CAST: variants seen among roughly 807,000 people sequenced by gnomAD.
CAST encodes calpastatin, also known as MIR583 host.
CAST carries 76 observed loss-of-function variants against 119.6 expected under a neutral mutation model. That is an observed-to-expected ratio of 0.64 (90% CI 0.53 to 0.77). CAST has a LOEUF of 0.77. Ranked by LOEUF, CAST falls within the 30% of genes least tolerant of loss-of-function variation. The probability of loss-of-function intolerance (pLI) is 0.00; values close to 1 mark genes in which losing one functional copy is unlikely to be tolerated. For missense variants in CAST, 953 were observed against 946.5 expected (o/e 1.01, Z -0.09); for synonymous variants, 319 against 331.6 (o/e 0.96, Z 0.41).
chr5:96,662,754 G>C (rs1379784344), intron 1 of CAST, among the ~76,000 whole-genome samples: 2 of 152,228 alleles, frequency 1.3e-5, no homozygotes, highest in Non-Finnish European at 2.9e-5. Flanking sequence ...AAGAAAAGTT[G>C]GCTGGTAAGA....
At chr5:96,095,599 T>C in the CAST span, among the ~76,000 whole-genome samples, 4 of 139,142 alleles carry the variant, frequency 2.9e-5, no homozygotes, top group Non-Finnish European at 6.1e-5. Context: ...ACCTATTATA[T>C]GAAAGGGTGA....
chr5:96,397,482 T>G, the CAST span: 1 of 1,609,468 alleles, frequency 6.2e-7, no homozygotes, highest in Non-Finnish European at 8.5e-7. Flanking sequence ...ATGAAACAAA[T>G]ACAAGTTAAT....
At chr5:96,704,629 A>C (rs1311008166) in intron 3 of CAST, among the ~76,000 whole-genome samples, 1 of 152,224 alleles carries the variant, frequency 6.6e-6, no homozygotes, top group South Asian at 2.1e-4. Context: ...CTATGTTCAT[A>C]TATATCTTTG....
At chr5:96,419,136 G>A in the CAST span, among the ~76,000 whole-genome samples, 2 of 151,864 alleles carry the variant, frequency 1.3e-5, no homozygotes, top group African/African-American at 2.4e-5. Context: ...AATAACAAGT[G>A]TGACAAGAAT....
chr5:96,161,073 A>C, the CAST span, among the ~76,000 whole-genome samples: 478 of 152,160 alleles, frequency 3.1e-3, 1 homozygote, highest in Non-Finnish European at 3.8e-3. Context: ...TTTTCACTTT[A>C]TTGATGGTGT....
chr5:96,470,210 C>CGCAA, the CAST span, among the ~76,000 whole-genome samples: 2 of 151,458 alleles, frequency 1.3e-5, no homozygotes, highest in Admixed American at 1.3e-4. Context: ...CACACACACA[C>CGCAA]GCACAGAAAA....
the CAST span, among the ~76,000 whole-genome samples, chr5:96,282,105 C>G: frequency 6.9e-6 from 1 of 145,968 alleles, no homozygotes; most frequent in Non-Finnish European, 1.5e-5. Flanking sequence ...GAGGGTAGAG[C>G]CGGAAAGGTA....
At chr5:96,509,741 C>T in the CAST span, among the ~76,000 whole-genome samples, 173 of 152,298 alleles carry the variant, frequency 1.1e-3, no homozygotes, top group African/African-American at 3.9e-3. Context: ...ATTTCTAAAA[C>T]GGAATTTACA....
the CAST span, chr5:96,397,199 ACT>A: frequency 5.2e-6 from 4 of 762,668 alleles, no homozygotes; most frequent in South Asian, 4.6e-5. Flanking sequence ...GGCTTGAAAC[ACT>A]CTACTTTTCC....
intron 1 of CAST, among the ~76,000 whole-genome samples, chr5:96,672,701 A>C: frequency 9.1e-6 from 1 of 109,908 alleles, no homozygotes; most frequent in East Asian, 3.1e-4. Context: ...AGTGAGACTC[A>C]GTCTCAAAAA....
At chr5:96,097,042 A>C in the CAST span, among the ~76,000 whole-genome samples, 1 of 152,200 alleles carries the variant, frequency 6.6e-6, no homozygotes, top group African/African-American at 2.4e-5. Context: ...ATTAAGTTTG[A>C]CGTAGGACCC....
chr5:96,627,847 T>C (rs981537955), intron 1 of CAST, among the ~76,000 whole-genome samples: 8 of 152,244 alleles, frequency 5.3e-5, no homozygotes, highest in African/African-American at 1.7e-4. Flanking sequence ...CAGAGTTTCA[T>C]AGTCACAAAG....
chr5:96,708,957 A>G (rs773558861), intron 3 of CAST, among the ~76,000 whole-genome samples: 21 of 152,190 alleles, frequency 1.4e-4, no homozygotes, highest in Non-Finnish European at 2.8e-4. Flanking sequence ...TTCACCTTCA[A>G]TGAAGATTGT....
chr5:96,479,178 G>A, the CAST span, among the ~76,000 whole-genome samples: 3 of 152,104 alleles, frequency 2.0e-5, no homozygotes, highest in African/African-American at 7.2e-5. Context: ...TCTTCCCACG[G>A]CACTTGGACA....
At chr5:96,607,219 C>A (rs1276863193) in intron 1 of CAST, among the ~76,000 whole-genome samples, 11 of 152,082 alleles carry the variant, frequency 7.2e-5, no homozygotes. Flanking sequence ...ACCCTGAAGG[C>A]GGAGCTTGCA....
At chr5:96,454,936 G>T in the CAST span, among the ~76,000 whole-genome samples, 10 of 152,254 alleles carry the variant, frequency 6.6e-5, no homozygotes, top group South Asian at 1.7e-3. Context: ...AAGCAACAGA[G>T]AATTTATTTT....
At chr5:96,004,414 T>C in the CAST span, among the ~76,000 whole-genome samples, 4 of 152,222 alleles carry the variant, frequency 2.6e-5, no homozygotes, top group Non-Finnish European at 5.9e-5. Flanking sequence ...GTAAAGGTCA[T>C]GATGTCTTCA....
intron 1 of CAST, among the ~76,000 whole-genome samples, chr5:96,537,779 TC>T (rs1385339896): frequency 6.6e-6 from 1 of 152,222 alleles, no homozygotes; most frequent in Non-Finnish European, 1.5e-5. Flanking sequence ...GGGCCATGGT[TC>T]TTTTTTCCCA....
intron 1 of CAST, among the ~76,000 whole-genome samples, chr5:96,539,337 T>C (rs1329056042): frequency 9.2e-5 from 14 of 152,344 alleles, no homozygotes; most frequent in Non-Finnish European, 2.9e-5. Flanking sequence ...TGCATAAATA[T>C]TTAGAATTGC....
Sources: allele counts gnomAD v4.1 joint callset (sites outside exome capture counted in the v4.1 genomes callset), GRCh38; gene constraint gnomAD v4.1.1; transcripts MANE v1.5; gene names NCBI Gene and HGNC (gene_info 2026-07-23, HGNC 2026-07-21).